The following DLEC1 variants were observed in gnomAD, a reference collection of about 807,000 sequenced individuals.
DLEC1 encodes the protein deleted in lung and esophageal cancer protein 1.
DLEC1 carries 146 observed loss-of-function variants against 198.1 expected under a neutral mutation model. The ratio of observed to expected loss-of-function variants is 0.74; its 90% CI spans 0.64 to 0.85. The LOEUF (loss-of-function observed/expected upper bound fraction) is 0.85, where lower values mean the gene tolerates loss of function less well. Ranked by LOEUF, DLEC1 falls within the 40% of genes least tolerant of loss-of-function variation. DLEC1 has a pLI of 0.00. For synonymous variants in DLEC1, 897 were observed against 866.8 expected (o/e 1.03, Z -0.61); for missense variants, 2,233 against 2,220.0 (o/e 1.01, Z -0.12).
chr3:38,077,904 C>G (rs1052103302), intron 6 of DLEC1, among the ~76,000 whole-genome samples: 1 of 150,694 alleles, frequency 6.6e-6, no homozygotes, highest in African/African-American at 2.4e-5. Flanking sequence ...GTTATTTCCT[C>G]GAGGATAGAT....
intron 12 of DLEC1, 47 bp downstream of exon 12, chr3:38,093,814 T>G: frequency 6.2e-7 from 1 of 1,604,998 alleles, no homozygotes; most frequent in Non-Finnish European, 8.5e-7. Flanking sequence ...TTCTTCTTGC[T>G]TACCTGGCCC....
At chr3:38,097,455 G>A (rs1575196425) in intron 16 of DLEC1, 52 bp from the exon 17 acceptor site, 1 of 1,607,020 alleles carries the variant, frequency 6.2e-7, no homozygotes, top group Non-Finnish European at 8.5e-7. Context: ...AATCATAGGA[G>A]GAAACTGCCT....
Position 38,121,757 on chromosome 3 carries a change from C to T in DLEC1, c.4996C>T (p.Arg1666Ter), listed in dbSNP as rs201864897. 20 of 1,613,884 alleles carry T rather than the reference C, an allele frequency of 1.2e-5. No homozygotes were observed. In the African/African-American group the frequency reaches 1.6e-4, roughly 13 times the overall value. ...CTACCTGATGAACCTGAGCGGGTGC[C>T]GAAGCTACTGGACTATGCTGATGGG... ...EVYLMNLSGC[R>*]SYWTMLMGQQ... is the part of the protein sequence containing the mutation. The change falls in exon 35 of 37, where the codon CGA becomes TGA. Residue 1666 changes from arginine (R) to a stop codon, truncating the protein, a stop_gained. Coordinates refer to ENST00000308059, the MANE Select transcript of DLEC1 (RefSeq NM_007335.4). LOFTEE classifies it high-confidence loss of function.
intron 6 of DLEC1, 36 bp downstream of exon 6, chr3:38,063,955 C>G: frequency 7.6e-7 from 1 of 1,318,622 alleles, no homozygotes; most frequent in Non-Finnish European, 1.1e-6. Context: ...CCCACCCCAT[C>G]TGCTTTCTTA....
chr3:38,109,770 C>T, intron 22 of DLEC1: 3 of 902,646 alleles, frequency 3.3e-6, no homozygotes, highest in Non-Finnish European at 4.9e-6. Flanking sequence ...TCTCCCCACA[C>T]ACACTTGGAG....
intron 1 of DLEC1, among the ~76,000 whole-genome samples, chr3:38,041,563 A>G (rs1700652097): frequency 1.3e-5 from 2 of 152,092 alleles, no homozygotes; most frequent in South Asian, 4.1e-4. Context: ...AAATACAACT[A>G]TGCGGCCGGG....
chr3:38,057,406 C>T (rs924019899), intron 2 of DLEC1, among the ~76,000 whole-genome samples: 1 of 152,028 alleles, frequency 6.6e-6, no homozygotes, highest in African/African-American at 2.4e-5. Context: ...GTAGGAGAAG[C>T]GCTTGAACCC....
chr3:38,108,004 A>C (rs1313306983), intron 20 of DLEC1, among the ~76,000 whole-genome samples: 1 of 152,186 alleles, frequency 6.6e-6, no homozygotes, highest in Non-Finnish European at 1.5e-5. Context: ...CTCCCAGCCA[A>C]CATAGCCCAT....
At chr3:38,107,980 A>G (rs1250335706) in intron 20 of DLEC1, among the ~76,000 whole-genome samples, 1 of 152,190 alleles carries the variant, frequency 6.6e-6, no homozygotes, top group Non-Finnish European at 1.5e-5. Context: ...GTTTCTGGTG[A>G]ACATAGCTAG....
chr3:38,066,066 A>C (rs1241568222), intron 6 of DLEC1, among the ~76,000 whole-genome samples: 1 of 152,202 alleles, frequency 6.6e-6, no homozygotes, highest in East Asian at 1.9e-4. Flanking sequence ...TGACAAGAAT[A>C]CTTCCTTGGT....
chr3:38,055,772 C>T (rs1198326993), intron 2 of DLEC1, among the ~76,000 whole-genome samples: 5 of 151,912 alleles, frequency 3.3e-5, no homozygotes, highest in Admixed American at 1.3e-4. Flanking sequence ...ATCTGGGTTG[C>T]GGGGAGAAAA....
Position 38,122,346 on chromosome 3 carries a change from C to G in DLEC1, c.5202C>G (p.Ser1734=), listed in dbSNP as rs367769874. The part of the protein sequence containing the change: ...MVVEGVLGEK[S]CTLRLRGQGS... ...TGGAAGGTGTGCTCGGTGAGAAGTC[C>G]TGCACCCTGCGGCTCCGGGGCCAAG... Residue 1734 remains serine (S), a synonymous_variant, in exon 37 of 37, where the codon TCC becomes TCG. Transcript: ENST00000308059. 1.7e-5 allele frequency: 27 copies of G among 1,614,066 alleles called. No homozygotes were observed. The African/African-American group carries it at 3.6e-4, about 22-fold the overall frequency.
intron 35 of DLEC1, 73 bp from the exon 36 acceptor site, chr3:38,121,998 G>A (rs1700495249): frequency 8.8e-6 from 14 of 1,587,920 alleles, no homozygotes. Flanking sequence ...CAGGCCCGGG[G>A]GTGGGTAAAG....
intron 18 of DLEC1, among the ~76,000 whole-genome samples, chr3:38,098,394 C>T (rs1010590952): frequency 2.6e-5 from 4 of 152,180 alleles, no homozygotes; most frequent in African/African-American, 7.2e-5. Context: ...GCACTTTTCA[C>T]TATAAAAGTA....
chr3:38,068,850 C>T (rs1158715270), intron 6 of DLEC1, among the ~76,000 whole-genome samples: 2 of 152,196 alleles, frequency 1.3e-5, no homozygotes, highest in Non-Finnish European at 2.9e-5. Context: ...GGAATCACCT[C>T]ATGCTCAGCT....
intron 14 of DLEC1, 56 bp downstream of exon 14, chr3:38,096,002 G>A: frequency 6.2e-7 from 1 of 1,603,314 alleles, no homozygotes; most frequent in Non-Finnish European, 8.5e-7. Context: ...CCCCCACCTT[G>A]GGGGTTCTCC....
Position 38,097,494 on chromosome 3 carries a change from C to T in DLEC1, c.2435-13C>T, listed in dbSNP as rs2125698987. ...CTTCTCCTCTCCACCTCTCCCTTTC[C>T]CTCTCTTCTCAGAGCCCAGTGAGGT... On this transcript the variant is annotated splice_polypyrimidine_tract_variant and intron_variant, in intron 16 of 36. Transcript: ENST00000308059. 6.2e-7 allele frequency: 1 copy of T among 1,613,930 alleles called. No homozygotes were observed. Among genetic ancestry groups the T allele is most frequent in the East Asian group, 2.2e-5 (1 of 44,864 alleles).
rs745512889 is a variant in DLEC1, at chr3:38,120,454, G to A, written c.4711G>A (p.Val1571Met). 1.2e-5 allele frequency: 20 copies of A among 1,614,064 alleles called. No homozygotes were observed. The highest frequency in any genetic ancestry group is 3.3e-5 in the Admixed American group (2 of 60,004). ...LQAQENMLVN[V>M]SFSLSLELLS... is the part of the protein sequence containing the mutation. ...CATGTCCACATCTGCTCAGGTGAAC[G>A]TGTCCTTCTCACTCTCCCTGGAGCT... The change falls in exon 34 of 37, where the codon GTG becomes ATG. Residue 1571 changes from valine to methionine, a missense_variant. Coordinates refer to ENST00000308059, the MANE Select transcript of DLEC1 (RefSeq NM_007335.4).
At chr3:38,094,422 T>A (rs1252019792) in intron 12 of DLEC1, among the ~76,000 whole-genome samples, 6 of 152,136 alleles carry the variant, frequency 3.9e-5, no homozygotes, top group African/African-American at 1.4e-4. Context: ...TAGGCACATA[T>A]CTTTCTGGAC....
Sources: allele counts gnomAD v4.1 joint callset (sites outside exome capture counted in the v4.1 genomes callset), GRCh38; gene constraint gnomAD v4.1.1; transcripts MANE v1.5; gene names NCBI Gene and HGNC (gene_info 2026-07-23, HGNC 2026-07-21).